Variants in MRPS28 observed in about 807,000 individuals in gnomAD.
MRPS28 encodes the protein mitochondrial ribosomal protein S28, also known as small ribosomal subunit protein bS1m.
In MRPS28, 7 loss-of-function variants were observed where a neutral mutation model predicts 10.8. The ratio of observed to expected loss-of-function variants is 0.65; its 90% CI spans 0.37 to 1.22. The LOEUF is 1.22. Ranked by LOEUF, MRPS28 falls within the 50% of genes most tolerant of loss-of-function variation. The pLI is 0.02. For synonymous variants in MRPS28, 121 were observed against 93.3 expected (o/e 1.30, Z -1.71); for missense variants, 265 against 232.9 (o/e 1.14, Z -0.90).
intron 2 of MRPS28, among the ~76,000 whole-genome samples, chr8:79,935,087 G>A (rs565736956): frequency 2.6e-5 from 4 of 152,290 alleles, no homozygotes; most frequent in African/African-American, 9.6e-5. Context: ...GCCAGGCTTG[G>A]CTGAAACAAT....
At chr8:79,996,108 A>G (rs1234380095) in intron 2 of MRPS28, among the ~76,000 whole-genome samples, 1 of 152,240 alleles carries the variant, frequency 6.6e-6, no homozygotes, top group Non-Finnish European at 1.5e-5. Context: ...CAAGGTTCAA[A>G]GAAAGTATAT....
At chr8:79,961,750 G>A (rs1807377458) in intron 2 of MRPS28, among the ~76,000 whole-genome samples, 1 of 152,080 alleles carries the variant, frequency 6.6e-6, no homozygotes, top group South Asian at 2.1e-4. Context: ...TTACAAATAT[G>A]AAAAGCCTTT....
chr8:79,959,355 G>A (rs1174484330), intron 2 of MRPS28, among the ~76,000 whole-genome samples: 5 of 151,940 alleles, frequency 3.3e-5, no homozygotes, highest in Non-Finnish European at 5.9e-5. Flanking sequence ...TTATTCCCAG[G>A]GAGGTATTCT....
At chr8:79,926,353 T>C (rs931350252) in intron 2 of MRPS28, among the ~76,000 whole-genome samples, 16 of 152,234 alleles carry the variant, frequency 1.1e-4, no homozygotes, top group African/African-American at 3.1e-4. Context: ...GAGGTTTGAC[T>C]GTGACCAAGT....
intron 2 of MRPS28, among the ~76,000 whole-genome samples, chr8:79,952,918 C>CA (rs1479951432): frequency 2.6e-5 from 4 of 152,042 alleles, no homozygotes; most frequent in African/African-American, 9.7e-5. Flanking sequence ...TAATCTCTTG[C>CA]AAAAAACAAA....
chr8:79,928,964 T>C (rs1329280033), intron 2 of MRPS28, among the ~76,000 whole-genome samples: 2 of 152,128 alleles, frequency 1.3e-5, no homozygotes, highest in East Asian at 3.9e-4. Context: ...GAGAATCGCT[T>C]GAACCCAGGA....
intron 1 of MRPS28, among the ~76,000 whole-genome samples, chr8:80,029,060 A>G (rs573387986): frequency 6.6e-6 from 1 of 152,324 alleles, no homozygotes; most frequent in East Asian, 1.9e-4. Flanking sequence ...TACGGAAAAG[A>G]ACACAACTTC....
chr8:80,021,745 G>A (rs1420109101), intron 1 of MRPS28, among the ~76,000 whole-genome samples: 1 of 152,062 alleles, frequency 6.6e-6, no homozygotes. Flanking sequence ...ATCAGTGCTG[G>A]GCCCGAGAGA....
At chr8:79,978,793 A>G (rs1164561628) in intron 2 of MRPS28, among the ~76,000 whole-genome samples, 1 of 152,218 alleles carries the variant, frequency 6.6e-6, no homozygotes, top group Non-Finnish European at 1.5e-5. Context: ...TCAGTGGATA[A>G]CCACCCCTTA....
At chr8:80,003,487 C>T (rs962662218) in intron 1 of MRPS28, among the ~76,000 whole-genome samples, 3 of 152,134 alleles carry the variant, frequency 2.0e-5, no homozygotes, top group African/African-American at 7.2e-5. Context: ...CATAGAGAAA[C>T]CCTGTCTCTA....
At chr8:80,020,443 T>G (rs150157808) in intron 1 of MRPS28, among the ~76,000 whole-genome samples, 1 of 152,336 alleles carries the variant, frequency 6.6e-6, no homozygotes, top group Non-Finnish European at 1.5e-5. Context: ...AATTTTATTT[T>G]TGGTTTACAA....
intron 2 of MRPS28, among the ~76,000 whole-genome samples, chr8:79,994,502 TTC>T (rs1331374108): frequency 2.0e-5 from 3 of 152,232 alleles, no homozygotes; most frequent in Non-Finnish European, 2.9e-5. Context: ...TTCAAAATTT[TTC>T]TCTCTCACCA....
intron 2 of MRPS28, among the ~76,000 whole-genome samples, chr8:79,930,907 C>A (rs114686593): frequency 0.019 from 2,831 of 151,868 alleles, 95 homozygotes; most frequent in African/African-American, 0.065. Flanking sequence ...AATATCAAAC[C>A]ATCTCTTTAT....
chr8:80,009,169 G>T (rs1160338524), intron 1 of MRPS28, among the ~76,000 whole-genome samples: 1 of 152,114 alleles, frequency 6.6e-6, no homozygotes, highest in East Asian at 1.9e-4. Context: ...GCAAACTATT[G>T]CAAGGACAAA....
intron 1 of MRPS28, chr8:80,028,710 T>G (rs1200134155): frequency 8.0e-6 from 1 of 125,478 alleles, no homozygotes; most frequent in Non-Finnish European, 1.6e-5. Flanking sequence ...TCATCTGTAA[T>G]CCCAGCACTT....
At chr8:80,027,620 T>C (rs1809525305) in intron 1 of MRPS28, among the ~76,000 whole-genome samples, 1 of 152,228 alleles carries the variant, frequency 6.6e-6, no homozygotes, top group Non-Finnish European at 1.5e-5. Flanking sequence ...GTGTGTGTAA[T>C]GACCTGAACC....
At chr8:80,019,351 G>GA (rs1373269054) in intron 1 of MRPS28, among the ~76,000 whole-genome samples, 8 of 142,268 alleles carry the variant, frequency 5.6e-5, no homozygotes, top group African/African-American at 7.9e-5. Flanking sequence ...ATTAAAAATA[G>GA]AAAAAAAATG....
At chr8:79,978,643 T>A (rs1156280717) in intron 2 of MRPS28, among the ~76,000 whole-genome samples, 1 of 152,202 alleles carries the variant, frequency 6.6e-6, no homozygotes, top group Non-Finnish European at 1.5e-5. Context: ...TTTTGACAAT[T>A]GAAAAGAGAA....
At chr8:80,029,744 C>T in intron 1 of MRPS28, 1 of 1,463,884 alleles carries the variant, frequency 6.8e-7, no homozygotes, top group Non-Finnish European at 9.1e-7. Flanking sequence ...TCCCCAGCAG[C>T]GCTCCCCGCT....
Sources: allele counts gnomAD v4.1 joint callset (sites outside exome capture counted in the v4.1 genomes callset), GRCh38; gene constraint gnomAD v4.1.1; transcripts MANE v1.5; gene names NCBI Gene and HGNC (gene_info 2026-07-23, HGNC 2026-07-21).